The following CNOT1 variants were observed in gnomAD, a reference collection of about 807,000 sequenced individuals.
The protein encoded by CNOT1 is CCR4-associated factor 1.
In CNOT1, 15 loss-of-function variants were observed where a neutral mutation model predicts 273.8. The observed-to-expected ratio is 0.05, with a 90% CI of 0.04 to 0.08. The LOEUF is 0.08. Ranked by LOEUF, CNOT1 falls within the 10% of genes least tolerant of loss-of-function variation. The pLI is 1.00. For synonymous variants in CNOT1, 1,022 were observed against 1,005.5 expected (o/e 1.02, Z -0.31); for missense variants, 1,644 against 2,912.2 (o/e 0.56, Z 10.02).
chr16:58,551,874 T>C lies in CNOT1; in HGVS notation c.2971-55A>G, dbSNP rs891180306. On this transcript the variant is annotated intron_variant, in intron 22 of 48. Coordinates refer to ENST00000317147, the MANE Select transcript of CNOT1 (RefSeq NM_016284.5). Reference sequence around the variant, plus strand: ...AACCTTAATTGCTAAGTCTGGATTATACGTCCCTCTTTTCTGAGAGGGTAA... The same window carrying C: ...AACCTTAATTGCTAAGTCTGGATTACACGTCCCTCTTTTCTGAGAGGGTAA... The C allele has an allele frequency of 3.8e-6, 6 of 1,594,888 alleles. No homozygotes were observed. In the East Asian group the frequency reaches 1.1e-4, roughly 30 times the overall value.
At chr16:58,595,632 T>G (rs1448612085) in intron 2 of CNOT1, among the ~76,000 whole-genome samples, 1 of 152,120 alleles carries the variant, frequency 6.6e-6, no homozygotes, top group Non-Finnish European at 1.5e-5. Context: ...TCATAAATGT[T>G]TGCTTAATAA....
Position 58,575,086 on chromosome 16 carries a change from A to G in CNOT1, c.1748T>C (p.Ile583Thr), listed in dbSNP as rs757514797. Residue 583 changes from isoleucine (I) to threonine (T), a missense_variant, in exon 15 of 49, where the codon ATT (isoleucine) becomes ACT (threonine). Physicochemically the swap from Ile to Thr is moderately conservative, Grantham distance 89. Coordinates refer to ENST00000317147, the MANE Select transcript of CNOT1 (RefSeq NM_016284.5). Reference protein sequence around the residue: ...LLNGTPFAFVIDLAALASRRE... With the variant: ...LLNGTPFAFVTDLAALASRRE... ...ACGTGAAGCAAGTGCAGCAAGGTCAATAACAAAGGCAAATGGAGTACCATT... is the reference window on the plus strand; with the variant it reads ...ACGTGAAGCAAGTGCAGCAAGGTCAGTAACAAAGGCAAATGGAGTACCATT... 1 of 1,614,180 alleles carries G rather than the reference A, an allele frequency of 6.2e-7. No homozygotes were observed.
chr16:58,584,322 A>ACTTTTTTTTGTTAGTCTCG (rs2041761893), intron 8 of CNOT1, among the ~76,000 whole-genome samples: 1 of 151,696 alleles, frequency 6.6e-6, no homozygotes, highest in Non-Finnish European at 1.5e-5. Flanking sequence ...ATCCATCCTA[A>ACTTTTTTTTGTTAGTCTCG]CTTTTTTTTG....
intron 16 of CNOT1, among the ~76,000 whole-genome samples, chr16:58,565,398 AG>A (rs1461565964): frequency 2.0e-5 from 3 of 152,210 alleles, no homozygotes; most frequent in African/African-American, 7.2e-5. Flanking sequence ...TACAAGTGTA[AG>A]CCACCATGCT....
chr16:58,573,325 G>C (rs2041344729), intron 16 of CNOT1, among the ~76,000 whole-genome samples: 1 of 150,308 alleles, frequency 6.7e-6, no homozygotes, highest in African/African-American at 2.4e-5. Flanking sequence ...AAGAAAGAAA[G>C]AAAAAAAGAA....
At chr16:58,585,287 A>G in intron 8 of CNOT1, 51 bp downstream of exon 8, 4 of 1,601,060 alleles carry the variant, frequency 2.5e-6, no homozygotes, top group Non-Finnish European at 3.4e-6. Flanking sequence ...AAAGAATTAC[A>G]TCATGTTTGG....
intron 1 of CNOT1, among the ~76,000 whole-genome samples, chr16:58,604,784 C>A: frequency 7.9e-6 from 1 of 126,154 alleles, no homozygotes. Context: ...GCAACAAGAG[C>A]GAAACTCCGT....
chr16:58,599,299 G>A lies in CNOT1; in HGVS notation c.39C>T (p.Ile13=), dbSNP rs764034465. ...TGGTTAAATTGTCCACCAGGTAGCTGATTTGAGACAAGGCCAGCGAGAGCG... is the reference window on the plus strand; with the variant it reads ...TGGTTAAATTGTCCACCAGGTAGCTAATTTGAGACAAGGCCAGCGAGAGCG... ...LDSLSLALSQ[I]SYLVDNLTKK... is the part of the protein sequence containing the mutation. The change falls in exon 2 of 49, where the codon ATC becomes ATT. Residue 13 remains isoleucine, a synonymous_variant. Coordinates refer to ENST00000317147, the MANE Select transcript of CNOT1 (RefSeq NM_016284.5). 22 of 1,614,192 alleles carry A rather than the reference G, an allele frequency of 1.4e-5. No homozygotes were observed. Among genetic ancestry groups the A allele is most frequent in the Non-Finnish European group, 1.9e-5 (22 of 1,180,040 alleles).
chr16:58,545,676 T>C (rs770203206), intron 29 of CNOT1, among the ~76,000 whole-genome samples, 185 bp from the exon 30 acceptor site: 2 of 152,206 alleles, frequency 1.3e-5, no homozygotes, highest in Non-Finnish European at 2.9e-5. Flanking sequence ...AACAGAGATA[T>C]ACACGAAGTA....
At chr16:58,541,722 A>C in intron 33 of CNOT1, 102 bp from the exon 34 acceptor site, 1 of 1,131,030 alleles carries the variant, frequency 8.8e-7, no homozygotes, top group African/African-American at 1.6e-5. Context: ...GGGACACAAG[A>C]GTCATTACAA....
In CNOT1 at chr16:58,587,776, C is replaced by A. The variant is rs2041924503; in HGVS notation, c.309+4G>T. 2 of 1,612,848 alleles carry A rather than the reference C, an allele frequency of 1.2e-6. No homozygotes were observed. ...ACACTCTTAAAGATAATAGTAATAC[C>A]AACCTTCTGATAGTGCAATGGATTA... is the stretch of plus-strand genomic sequence containing the variant. On this transcript the variant is annotated splice_donor_region_variant and intron_variant, in intron 4 of 48. Transcript: ENST00000317147.
chr16:58,618,647 T>C (rs1446180717), intron 1 of CNOT1, among the ~76,000 whole-genome samples: 2 of 123,536 alleles, frequency 1.6e-5, no homozygotes, highest in Non-Finnish European at 3.2e-5. Flanking sequence ...AGAAACCCTG[T>C]CTCAAAAAAA....
chr16:58,549,447 T>C (rs982136935), intron 25 of CNOT1, among the ~76,000 whole-genome samples: 6 of 152,162 alleles, frequency 3.9e-5, no homozygotes, highest in African/African-American at 1.4e-4. Flanking sequence ...ATGCTGCTTA[T>C]GTATAACAGT....
At chr16:58,557,076 A>G in intron 18 of CNOT1, 83 bp from the exon 19 acceptor site, 16 of 1,480,582 alleles carry the variant, frequency 1.1e-5, no homozygotes, top group Non-Finnish European at 1.4e-5. Context: ...TTAATAAGAC[A>G]GACTTTTAAA....
At position 58,543,684 on chromosome 16, in the gene CNOT1, C is replaced by A; in HGVS notation, c.4357G>T (p.Ala1453Ser). ...HMMRNLTAGM[A>S]MITCREPLLM... ...AAAGGTTCCCTGCATGTAATCATAG[C>A]CATTCCAGCTGTCAAGTTACGCATC... Residue 1453 changes from alanine (A) to serine (S), a missense_variant, in exon 31 of 49, where the codon GCT becomes TCT. Coordinates refer to ENST00000317147, the MANE Select transcript of CNOT1 (RefSeq NM_016284.5). The A allele has an allele frequency of 1.2e-6, 2 of 1,614,164 alleles. No individual in the cohort carries two copies. Among genetic ancestry groups the A allele is most frequent in the Non-Finnish European group, 1.7e-6 (2 of 1,180,030 alleles).
At chr16:58,548,721 A>G (rs2040344514) in intron 25 of CNOT1, 1 of 436,954 alleles carries the variant, frequency 2.3e-6, no homozygotes, top group Non-Finnish European at 4.5e-6. Context: ...TAAGAAATAA[A>G]TGATGGTTTA....
intron 16 of CNOT1, among the ~76,000 whole-genome samples, chr16:58,570,493 A>G (rs2041230916): frequency 6.6e-6 from 1 of 152,172 alleles, no homozygotes; most frequent in African/African-American, 2.4e-5. Context: ...TAAAAAATTT[A>G]TCAGGTGTGG....
At chr16:58,572,071 G>C (rs940526672) in intron 16 of CNOT1, among the ~76,000 whole-genome samples, 1 of 152,062 alleles carries the variant, frequency 6.6e-6, no homozygotes, top group Non-Finnish European at 1.5e-5. Context: ...ATCACCTGAG[G>C]TCAGGAGTTC....
At chr16:58,628,016 C>T (rs928678554) in intron 1 of CNOT1, among the ~76,000 whole-genome samples, 2 of 152,028 alleles carry the variant, frequency 1.3e-5, no homozygotes, top group African/African-American at 4.8e-5. Flanking sequence ...TTAGTAGAGA[C>T]GCGGTTGTGA....
Sources: gnomAD v4.1 joint callset for allele counts (sites outside exome capture counted in the v4.1 genomes callset) on GRCh38, gnomAD v4.1.1 for gene constraint, MANE v1.5 for transcripts, NCBI Gene and HGNC (gene_info 2026-07-23, HGNC 2026-07-21) for gene names.